GRID2: variants seen among roughly 807,000 people sequenced by gnomAD.
GRID2 encodes the protein glutamate receptor ionotropic, delta-2.
In GRID2, 33 loss-of-function variants were observed where a neutral mutation model predicts 114.8. That is an observed-to-expected ratio of 0.29 (90% CI 0.22 to 0.38). The LOEUF is 0.38. Among genes scored for constraint, GRID2 ranks in the 10% least tolerant of loss-of-function variants. GRID2 has a pLI of 1.00. For missense variants in GRID2, 1,184 were observed against 1,257.7 expected (o/e 0.94, Z 0.89); for synonymous variants, 505 against 449.9 (o/e 1.12, Z -1.55).
At chr4:92,834,021 C>G (rs549279635) in intron 2 of GRID2, 1 of 152,250 alleles carries the variant, frequency 6.6e-6, no homozygotes, top group Admixed American at 6.5e-5. Flanking sequence ...GTCCCAAATT[C>G]GTTTTTTTAG....
At chr4:93,345,558 G>C (rs553464224) in intron 8 of GRID2, among the ~76,000 whole-genome samples, 2 of 151,772 alleles carry the variant, frequency 1.3e-5, no homozygotes, top group Non-Finnish European at 2.9e-5. Flanking sequence ...TAGTTTGTAC[G>C]GTTTGCAAGT....
chr4:92,652,803 A>AT (rs1732009701), intron 2 of GRID2, among the ~76,000 whole-genome samples: 7 of 138,790 alleles, frequency 5.0e-5, no homozygotes, highest in African/African-American at 1.9e-4. Flanking sequence ...TGGTGAAAAA[A>AT]AAAATATATA....
intron 2 of GRID2, among the ~76,000 whole-genome samples, chr4:92,795,117 G>A (rs1739798761): frequency 6.6e-6 from 1 of 151,516 alleles, no homozygotes; most frequent in South Asian, 2.1e-4. Context: ...GGCTGTTTTA[G>A]GGTGGCAGAG....
At chr4:93,432,445 A>G (rs184178517) in intron 10 of GRID2, among the ~76,000 whole-genome samples, 122 of 152,314 alleles carry the variant, frequency 8.0e-4, no homozygotes, top group African/African-American at 2.6e-3. Context: ...AAGTTGAAAA[A>G]CAGGTGAAGT....
intron 1 of GRID2, among the ~76,000 whole-genome samples, chr4:92,413,578 C>T (rs1731443108): frequency 6.6e-6 from 1 of 152,078 alleles, no homozygotes; most frequent in South Asian, 2.1e-4. Context: ...GCAATACCTA[C>T]ATCTTAAGAA....
intron 8 of GRID2, among the ~76,000 whole-genome samples, chr4:93,387,023 C>A (rs914257074): frequency 3.9e-5 from 6 of 152,318 alleles, no homozygotes; most frequent in African/African-American, 1.4e-4. Context: ...GGGAGGGAAG[C>A]TTTCCTCTGT....
At chr4:93,682,208 A>G (rs1482475448) in intron 14 of GRID2, among the ~76,000 whole-genome samples, 3 of 147,046 alleles carry the variant, frequency 2.0e-5, no homozygotes, top group Non-Finnish European at 3.0e-5. Context: ...CATCAGAGAA[A>G]TGCAAATCAA....
At chr4:93,748,013 C>T (rs1360883968) in intron 14 of GRID2, among the ~76,000 whole-genome samples, 1 of 151,960 alleles carries the variant, frequency 6.6e-6, no homozygotes, top group Non-Finnish European at 1.5e-5. Context: ...AATAAATGCC[C>T]TTGGATATAT....
intron 4 of GRID2, among the ~76,000 whole-genome samples, chr4:93,201,270 T>G (rs1358171582): frequency 6.6e-6 from 1 of 152,234 alleles, no homozygotes; most frequent in African/African-American, 2.4e-5. Flanking sequence ...GCCCAATATT[T>G]CTAAATCTAC....
chr4:92,537,328 C>A (rs1046136163), intron 1 of GRID2, among the ~76,000 whole-genome samples: 1 of 151,988 alleles, frequency 6.6e-6, no homozygotes, highest in African/African-American at 2.4e-5. Context: ...GCGTTTAGTT[C>A]ATAAAGAGAA....
chr4:93,280,858 A>G (rs1995458), intron 8 of GRID2, among the ~76,000 whole-genome samples: 102,468 of 151,802 alleles, frequency 0.68, 35,058 homozygotes, highest in Middle Eastern at 0.84. Context: ...ATAATAAAGT[A>G]CTGTATTCAG....
intron 1 of GRID2, among the ~76,000 whole-genome samples, chr4:92,489,149 T>C (rs1723032942): frequency 6.6e-6 from 1 of 152,212 alleles, no homozygotes; most frequent in Admixed American, 6.5e-5. Flanking sequence ...CCCCTTCTAC[T>C]GTAACTACAA....
rs182830054 is a variant in GRID2, at chr4:93,323,474, G to A, written c.1246-72133G>A. Among the ~76,000 whole-genome samples the A allele has an allele frequency of 4.6e-5, 7 of 152,240 alleles. No homozygotes were observed. In the East Asian group the frequency reaches 1.2e-3, roughly 25 times the overall value. On this transcript the variant is annotated intron_variant, in intron 8 of 15. Transcript: ENST00000282020. ...GCCTTGTAGTATAGTTTGAAGTCAGGTAGTGTGATGCCTCCAGCTTTGTTC... is the reference window on the plus strand; with the variant it reads ...GCCTTGTAGTATAGTTTGAAGTCAGATAGTGTGATGCCTCCAGCTTTGTTC...
intron 13 of GRID2, among the ~76,000 whole-genome samples, chr4:93,607,461 CACT>C (rs1740372400): frequency 6.6e-6 from 1 of 152,014 alleles, no homozygotes; most frequent in Non-Finnish European, 1.5e-5. Flanking sequence ...TGAACATTAC[CACT>C]ATTTCCAATT....
intron 3 of GRID2, among the ~76,000 whole-genome samples, chr4:93,092,776 G>T (rs559588952): frequency 1.3e-5 from 2 of 151,944 alleles, no homozygotes; most frequent in Admixed American, 6.6e-5. Flanking sequence ...TCTCTAAGTG[G>T]CATACCAAAC....
intron 1 of GRID2, among the ~76,000 whole-genome samples, chr4:92,309,473 C>A (rs1376331590): frequency 6.6e-6 from 1 of 150,910 alleles, no homozygotes; most frequent in Non-Finnish European, 1.5e-5. Flanking sequence ...CATTTATGGC[C>A]TATAAAGATA....
chr4:92,439,247 G>T (rs558393280), intron 1 of GRID2, among the ~76,000 whole-genome samples: 1 of 151,964 alleles, frequency 6.6e-6, no homozygotes, highest in South Asian at 2.1e-4. Context: ...GGCAAGGACC[G>T]GCCATTTACA....
chr4:93,283,789 A>G (rs930274066), intron 8 of GRID2, among the ~76,000 whole-genome samples: 1 of 152,120 alleles, frequency 6.6e-6, no homozygotes, highest in Non-Finnish European at 1.5e-5. Context: ...GGAAAACTGA[A>G]CAGGGAGTTT....
At chr4:92,476,050 G>GTC (rs1336516507) in intron 1 of GRID2, among the ~76,000 whole-genome samples, 1 of 139,388 alleles carries the variant, frequency 7.2e-6, no homozygotes, top group Non-Finnish European at 1.5e-5. Flanking sequence ...TTGTGACGGA[G>GTC]TCTCTACCTC....
Sources: allele counts gnomAD v4.1 joint callset (sites outside exome capture counted in the v4.1 genomes callset), GRCh38; gene constraint gnomAD v4.1.1; transcripts MANE v1.5; gene names NCBI Gene and HGNC (gene_info 2026-07-23, HGNC 2026-07-21).